ASB16: variants seen among roughly 807,000 people sequenced by gnomAD.
The protein encoded by ASB16 is ankyrin repeat and SOCS box protein 16.
In ASB16, 44 loss-of-function variants were observed where a neutral mutation model predicts 39.1. The observed-to-expected ratio is 1.13, with a 90% CI of 0.88 to 1.45. The LOEUF is 1.45. Ranked by LOEUF, ASB16 falls within the 40% of genes most tolerant of loss-of-function variation. The pLI is 0.00. For synonymous variants in ASB16, 305 were observed against 286.7 expected, an observed-to-expected ratio of 1.06 and a Z score of -0.64; for missense variants, 698 against 634.5, an observed-to-expected ratio of 1.10 and a Z score of -1.07.
chr17:44,172,102 G>A lies in ASB16; in HGVS notation c.358G>A (p.Ala120Thr), dbSNP rs2054247529. 1 of 1,611,490 alleles carries A rather than the reference G, an allele frequency of 6.2e-7. No homozygotes were observed. The highest frequency in any genetic ancestry group is 2.2e-5 in the East Asian group (1 of 44,848). Residue 120 changes from alanine to threonine, a missense_variant, in exon 2 of 5, where the codon GCC becomes ACC. Transcript: ENST00000293414. ...KQTAPLAIAT[A>T]RGYTDCARHL... ...GACGGCACCCCTCGCCATCGCTACAGCCCGAGGCTACACAGACTGTGCTCG... is the reference window on the plus strand; with the variant it reads ...GACGGCACCCCTCGCCATCGCTACAACCCGAGGCTACACAGACTGTGCTCG...
chr17:44,174,160 C>G (rs1025952186), intron 2 of ASB16, among the ~76,000 whole-genome samples: 19 of 151,792 alleles, frequency 1.3e-4, no homozygotes, highest in African/African-American at 4.1e-4. Context: ...CTGCCTGAGC[C>G]TCCCGAGTAA....
intron 4 of ASB16, 157 bp downstream of exon 4, chr17:44,177,879 C>A: frequency 3.0e-6 from 3 of 991,098 alleles, no homozygotes; most frequent in Non-Finnish European, 4.4e-6. Flanking sequence ...CCCCCGGTAC[C>A]CCAGGCTGAC....
chr17:44,177,511 C>T, intron 3 of ASB16, 98 bp from the exon 4 acceptor site: 1 of 1,457,016 alleles, frequency 6.9e-7, no homozygotes, highest in Non-Finnish European at 9.3e-7. Flanking sequence ...ACCTTAGCCC[C>T]CCAGATTAGG....
intron 2 of ASB16, among the ~76,000 whole-genome samples, chr17:44,172,885 G>A (rs2054254048): frequency 6.7e-6 from 1 of 150,348 alleles, no homozygotes; most frequent in Non-Finnish European, 1.5e-5. Flanking sequence ...CCAAAGTGCT[G>A]GGATTACAGG....
In ASB16 at chr17:44,170,977, A is replaced by G; in HGVS notation, c.188A>G (p.Gln63Arg). The change falls in exon 1 of 5, where the codon CAA becomes CGA. Residue 63 changes from glutamine to arginine, a missense_variant. Coordinates refer to ENST00000293414, the MANE Select transcript of ASB16 (RefSeq NM_080863.5). ...TCCTGCCGAGACCCAGCTGTCCACC[A>G]AGCCCTCTTCTCCGGCAACCTGCAG... ...HRSCRDPAVH[Q>R]ALFSGNLQQV... is the part of the protein sequence containing the mutation. The G allele has an allele frequency of 1.2e-6, 2 of 1,613,862 alleles. No homozygotes were observed. Among genetic ancestry groups the G allele is most frequent in the Non-Finnish European group, 1.7e-6 (2 of 1,180,000 alleles).
Position 44,178,898 on chromosome 17 carries a change from A to T in ASB16, c.*508A>T. ...CCCTCTCTCCAGCAGGAAGGGCTGC[A>T]GACTCGGCCTGTTCCCAGACTCGGC... is the stretch of plus-strand genomic sequence containing the variant. On this transcript the variant is annotated 3_prime_UTR_variant, in exon 5 of 5. Coordinates refer to ENST00000293414, the MANE Select transcript of ASB16 (RefSeq NM_080863.5). 6.3e-6 allele frequency: 1 copy of T among 159,018 alleles called. No individual in the cohort carries two copies. The highest frequency in any genetic ancestry group is 1.4e-5 in the Non-Finnish European group (1 of 71,958). 9.9% of individuals were successfully genotyped at this position (159,018 alleles called of 1,614,324 possible).
chr17:44,172,450 T>A, intron 2 of ASB16, 137 bp downstream of exon 2: 1 of 1,014,766 alleles, frequency 9.9e-7, no homozygotes, highest in Non-Finnish European at 1.4e-6. Flanking sequence ...ATCTTCACAA[T>A]AACCTGGAGA....
rs376160399 is a variant in ASB16, at chr17:44,171,016, T to C, written c.227T>C (p.Leu76Pro). The C allele has an allele frequency of 1.2e-6, 2 of 1,613,940 alleles. No individual in the cohort carries two copies. Among genetic ancestry groups the C allele is most frequent in the Middle Eastern group, 1.6e-4 (1 of 6,076 alleles). ...GGCAACCTGCAGCAGGTCCAAGCCC[T>C]GTTCCAAGATGAAGAGGCCGCCAAC... ...FSGNLQQVQA[L>P]FQDEEAANMI... is the part of the protein sequence containing the mutation. Residue 76 changes from leucine to proline, a missense_variant, in exon 1 of 5, where the codon CTG (leucine) becomes CCG (proline). Physicochemically the swap from Leu to Pro is moderately conservative, Grantham distance 98 (BLOSUM62 -3). Coordinates refer to ENST00000293414, the MANE Select transcript of ASB16 (RefSeq NM_080863.5).
At chr17:44,171,965 C>A in intron 1 of ASB16, 81 bp from the exon 2 acceptor site, 1 of 1,444,398 alleles carries the variant, frequency 6.9e-7, no homozygotes, top group Non-Finnish European at 9.4e-7. Context: ...CCAGTGTCAG[C>A]TGTCAGCTGG....
intron 2 of ASB16, chr17:44,176,357 CA>C (rs367925638): frequency 0.48 from 92,171 of 190,472 alleles, 19,410 homozygotes; most frequent in Admixed American, 0.53. Context: ...ACCCTGTCTC[CA>C]AAAAAAAAAA....
chr17:44,170,870 C>G lies in ASB16; in HGVS notation c.81C>G (p.Asp27Glu), dbSNP rs140506716. Residue 27 changes from aspartate to glutamate, a missense_variant, in exon 1 of 5, where the codon GAC (aspartate) becomes GAG (glutamate). By Grantham distance (45) the Asp-to-Glu change is conservative. Coordinates refer to ENST00000293414, the MANE Select transcript of ASB16 (RefSeq NM_080863.5). ...AGCAGGAGTGGCTGGAATGGGAGGA[C>G]CGGCGGCGGGCGGCTGCCCAGCAGT... is the stretch of plus-strand genomic sequence containing the variant. ...RLQQEWLEWEDRRRAAAQQCR... is the reference protein window; with the variant it reads ...RLQQEWLEWEERRRAAAQQCR... 2 of 1,611,470 alleles carry G rather than the reference C, an allele frequency of 1.2e-6. No homozygotes were observed. Among genetic ancestry groups the G allele is most frequent in the Non-Finnish European group, 1.7e-6 (2 of 1,179,540 alleles).
chr17:44,172,603 A>G (rs2054252228), intron 2 of ASB16, among the ~76,000 whole-genome samples: 1 of 152,040 alleles, frequency 6.6e-6, no homozygotes, highest in South Asian at 2.1e-4. Context: ...ATACCCTGTG[A>G]ATCCTTTGTA....
At chr17:44,175,207 G>A (rs1470027136) in intron 2 of ASB16, among the ~76,000 whole-genome samples, 1 of 151,302 alleles carries the variant, frequency 6.6e-6, no homozygotes, top group Non-Finnish European at 1.5e-5. Context: ...AGACCATCCT[G>A]GCTAACACGG....
At chr17:44,171,696 A>G (rs2054244200) in intron 1 of ASB16, among the ~76,000 whole-genome samples, 1 of 151,946 alleles carries the variant, frequency 6.6e-6, no homozygotes, top group Non-Finnish European at 1.5e-5. Context: ...CCCAGGCCCC[A>G]AGGTGAACAA....
In ASB16 at chr17:44,177,662, C is replaced by T; in HGVS notation, c.1116C>T (p.Ala372=). The T allele has an allele frequency of 1.2e-6, 2 of 1,613,946 alleles. No individual in the cohort carries two copies. Among genetic ancestry groups the T allele is most frequent in the Non-Finnish European group, 1.7e-6 (2 of 1,179,868 alleles). ...GGGCCCTGGAAGTCCTGCTTAATGC[C>T]TATCCTTGTGTCCCATCCTGTGAGA... The part of the protein sequence containing the change: ...FPRALEVLLN[A]YPCVPSCETW... The change falls in exon 4 of 5, where the codon GCC becomes GCT. Residue 372 remains alanine, a synonymous_variant. Transcript: ENST00000293414.
At chr17:44,172,409 C>T in intron 2 of ASB16, 96 bp downstream of exon 2, 2 of 1,427,114 alleles carry the variant, frequency 1.4e-6, no homozygotes, top group Admixed American at 1.9e-5. Context: ...CCACATGCAG[C>T]TTTGTGGTTC....
Position 44,172,043 on chromosome 17 carries a change from T to G in ASB16, c.302-3T>G. The G allele has an allele frequency of 6.2e-7, 1 of 1,611,118 alleles. No homozygotes were observed. ...ACCTCCCAAAACTATTTGCTCTCCCTAGGGTTCTGGGTGCTGACCCCCAAG... is the reference window on the plus strand; with the variant it reads ...ACCTCCCAAAACTATTTGCTCTCCCGAGGGTTCTGGGTGCTGACCCCCAAG... On this transcript the variant is annotated splice_region_variant and splice_polypyrimidine_tract_variant and intron_variant, in intron 1 of 4. Transcript: ENST00000293414.
rs536750671 is a variant in ASB16 at position 44,172,336 on chromosome 17, A to G, written c.569+23A>G. 1.0e-4 allele frequency: 162 copies of G among 1,584,204 alleles called. 1 individual carries two copies. The South Asian group carries it at 1.7e-3, about 17-fold the overall frequency. The stretch of plus-strand genomic sequence containing the variant: ...GCAGTAGGTGCCTGGGGGCTGAGAC[A>G]GTTTGGGGAGAAATGTGTGTGTGTG... On this transcript the variant is annotated intron_variant, in intron 2 of 4. Coordinates refer to ENST00000293414, the MANE Select transcript of ASB16 (RefSeq NM_080863.5).
In ASB16 at chr17:44,172,164, T is replaced by C; in HGVS notation, c.420T>C (p.Arg140=). ...GGCAGGGAGCTGAGCTGGATGCCCG[T>C]GTCGGGGGTCGCGCTGCCTTGCATG... The part of the protein sequence containing the change: ...LIRQGAELDA[R]VGGRAALHEA... The change falls in exon 2 of 5, where the codon CGT becomes CGC. Residue 140 remains arginine (R), a synonymous_variant. Coordinates refer to ENST00000293414, the MANE Select transcript of ASB16 (RefSeq NM_080863.5). 1.2e-6 allele frequency: 2 copies of C among 1,612,356 alleles called. No individual in the cohort carries two copies. The highest frequency in any genetic ancestry group is 8.5e-7 in the Non-Finnish European group (1 of 1,180,016).
Sources: gnomAD v4.1 joint callset for allele counts (sites outside exome capture counted in the v4.1 genomes callset) on GRCh38, gnomAD v4.1.1 for gene constraint, MANE v1.5 for transcripts, NCBI Gene and HGNC (gene_info 2026-07-23, HGNC 2026-07-21) for gene names.